The following FREM2 variants were observed in gnomAD, a reference collection of about 807,000 sequenced individuals.
FREM2 encodes the protein FRAS1-related extracellular matrix protein 2.
Under a neutral mutation model 219.9 loss-of-function variants are expected in FREM2, and 119 were observed. That is an observed-to-expected ratio of 0.54 (90% confidence interval 0.47 to 0.63). The LOEUF (loss-of-function observed/expected upper bound fraction) is 0.63. FREM2 is among the 30% of genes least tolerant of loss of function. The pLI, the probability that FREM2 is intolerant of heterozygous loss-of-function variation, is 0.00. For synonymous variants in FREM2, 1,562 were observed against 1,522.8 expected (o/e 1.03, Z -0.60); for missense variants, 4,030 against 3,993.6 (o/e 1.01, Z -0.25).
At chr13:38,874,233 A>C (rs967386381) in intron 17 of FREM2, among the ~76,000 whole-genome samples, 1 of 152,202 alleles carries the variant, frequency 6.6e-6, no homozygotes, top group Admixed American at 6.5e-5. Flanking sequence ...AACTTGGTCT[A>C]TTGTAAGTAA....
At chr13:38,834,660 G>A (rs1876640687) in intron 6 of FREM2, among the ~76,000 whole-genome samples, 1 of 152,130 alleles carries the variant, frequency 6.6e-6, no homozygotes, top group African/African-American at 2.4e-5. Context: ...GCATGAAATG[G>A]TGTTCATTGT....
At chr13:38,715,651 T>C (rs1331488377) in intron 2 of FREM2, among the ~76,000 whole-genome samples, 2 of 152,162 alleles carry the variant, frequency 1.3e-5, no homozygotes, top group Non-Finnish European at 2.9e-5. Flanking sequence ...AATAGTGTTA[T>C]ATAGACGTAT....
intron 6 of FREM2, among the ~76,000 whole-genome samples, chr13:38,845,626 A>T (rs1006240735): frequency 3.9e-5 from 6 of 152,242 alleles, no homozygotes; most frequent in African/African-American, 1.4e-4. Flanking sequence ...AAATGAGTGA[A>T]GTATATACTA....
In FREM2 at chr13:38,856,158, G is replaced by A. The variant is rs1268483221; in HGVS notation, c.6958G>A (p.Val2320Met). The change falls in exon 12 of 24, where the codon GTG becomes ATG. Residue 2320 changes from valine to methionine, a missense_variant. This residue lies in a region of FREM2 where 3,102 missense variants were observed against 2,950.7 expected (regional missense o/e 1.05). Transcript: ENST00000280481. The part of the protein sequence containing the change: ...IEFKEGETQH[V>M]VEIEVTFDGV... Reference sequence around the variant, plus strand: ...GTTTAAGGAAGGGGAAACCCAGCACGTGGTTGAAATCGAAGTTACCTTTGA... The same window carrying A: ...GTTTAAGGAAGGGGAAACCCAGCACATGGTTGAAATCGAAGTTACCTTTGA... 2.1e-5 allele frequency: 34 copies of A among 1,611,136 alleles called. No individual in the cohort carries two copies. Among genetic ancestry groups the A allele is most frequent in the Middle Eastern group, 1.6e-4 (1 of 6,076 alleles).
At chr13:38,799,079 T>G (rs1874908012) in intron 6 of FREM2, among the ~76,000 whole-genome samples, 1 of 152,080 alleles carries the variant, frequency 6.6e-6, no homozygotes, top group Admixed American at 6.5e-5. Flanking sequence ...GTTGTTTATT[T>G]GAAGTATTTC....
intron 15 of FREM2, among the ~76,000 whole-genome samples, chr13:38,862,069 T>C (rs1470248037): frequency 6.6e-6 from 1 of 152,252 alleles, no homozygotes; most frequent in Admixed American, 6.5e-5. Flanking sequence ...CCAGAATGTG[T>C]GCATCAATAA....
chr13:38,748,872 A>AT (rs1872587996), intron 2 of FREM2, among the ~76,000 whole-genome samples: 1 of 152,178 alleles, frequency 6.6e-6, no homozygotes, highest in Non-Finnish European at 1.5e-5. Context: ...AAAGGAAGGC[A>AT]TTTTTGTTCT....
intron 6 of FREM2, among the ~76,000 whole-genome samples, chr13:38,812,798 G>A (rs113527253): frequency 0.05 from 7,511 of 151,652 alleles, 581 homozygotes; most frequent in African/African-American, 0.17. Context: ...TGGGAGGATC[G>A]CTTGAGCCCG....
intron 17 of FREM2, among the ~76,000 whole-genome samples, chr13:38,873,201 ATTAT>A (rs1009583453): frequency 1.1e-4 from 17 of 152,114 alleles, no homozygotes; most frequent in East Asian, 1.9e-4. Context: ...TAGGTGATTA[ATTAT>A]TTATGTGTTA....
rs1226622891 is a variant in FREM2, at chr13:38,884,997, A to G, written c.*4210A>G. On this transcript the variant is annotated 3_prime_UTR_variant, in exon 24 of 24. Coordinates refer to ENST00000280481, the MANE Select transcript of FREM2 (RefSeq NM_207361.6). ...TTCCTAGAATTGATTGCACTATTGC[A>G]TGGTAATAACATTTAATTGTTAAGG... is the stretch of plus-strand genomic sequence containing the variant. 1.3e-5 allele frequency: 2 copies of G among 152,180 alleles called. No individual in the cohort carries two copies. Among genetic ancestry groups the G allele is most frequent in the Non-Finnish European group, 2.9e-5 (2 of 68,016 alleles). The allele number at this position is 152,180 out of a possible 1,614,324, so 9.4% of individuals were successfully genotyped here.
intron 6 of FREM2, among the ~76,000 whole-genome samples, chr13:38,845,135 A>AG: frequency 6.6e-6 from 1 of 152,232 alleles, no homozygotes; most frequent in Non-Finnish European, 1.5e-5. Flanking sequence ...AAGAATTTGA[A>AG]GGGGCTGTAT....
At chr13:38,732,134 T>C (rs1302004284) in intron 2 of FREM2, among the ~76,000 whole-genome samples, 4 of 152,226 alleles carry the variant, frequency 2.6e-5, no homozygotes, top group Non-Finnish European at 4.4e-5. Context: ...AGATGCATAA[T>C]GTCTAAGCTT....
At chr13:38,786,244 G>A (rs1440509145) in intron 6 of FREM2, among the ~76,000 whole-genome samples, 1 of 151,930 alleles carries the variant, frequency 6.6e-6, no homozygotes, top group Non-Finnish European at 1.5e-5. Context: ...TGCTACCTTT[G>A]TGTATCATTG....
intron 6 of FREM2, among the ~76,000 whole-genome samples, chr13:38,845,165 A>G (rs1181450266): frequency 6.6e-6 from 1 of 152,222 alleles, no homozygotes; most frequent in African/African-American, 2.4e-5. Flanking sequence ...CATGCCCACC[A>G]TGTGAAGAAA....
chr13:38,805,224 T>C (rs1202778533), intron 6 of FREM2, among the ~76,000 whole-genome samples: 1 of 151,718 alleles, frequency 6.6e-6, no homozygotes, highest in East Asian at 2.0e-4. Flanking sequence ...GATATAGCAG[T>C]GTACGTGAAA....
In FREM2 at chr13:38,880,562, T is replaced by A; in HGVS notation, c.9285T>A (p.Asp3095Glu). The A allele has an allele frequency of 6.2e-7, 1 of 1,614,162 alleles. No individual in the cohort carries two copies. Among genetic ancestry groups the A allele is most frequent in the South Asian group, 1.1e-5 (1 of 91,084 alleles). ...RQIPHGRAPP[D>E]GILPWELNSP... ...TCCCCCATGGGAGAGCACCTCCAGATGGCATCCTCCCCTGGGAGCTCAACA... is the reference window on the plus strand; with the variant it reads ...TCCCCCATGGGAGAGCACCTCCAGAAGGCATCCTCCCCTGGGAGCTCAACA... Residue 3095 changes from aspartate to glutamate, a missense_variant, in exon 24 of 24, where the codon GAT (aspartate) becomes GAA (glutamate). By Grantham distance (45) the Asp-to-Glu change is conservative (BLOSUM62 2). Transcript: ENST00000280481.
chr13:38,786,740 T>C (rs922331087), intron 6 of FREM2, among the ~76,000 whole-genome samples: 2 of 152,050 alleles, frequency 1.3e-5, no homozygotes, highest in African/African-American at 4.8e-5. Context: ...GAAAAAAACA[T>C]AAAAGTACAG....
At chr13:38,716,970 T>C (rs2138102461) in intron 2 of FREM2, among the ~76,000 whole-genome samples, 1 of 152,326 alleles carries the variant, frequency 6.6e-6, no homozygotes, top group South Asian at 2.1e-4. Flanking sequence ...TAAATGCTTG[T>C]AAATACCTTC....
intron 4 of FREM2, among the ~76,000 whole-genome samples, chr13:38,778,126 C>T (rs1490591714): frequency 6.6e-6 from 1 of 152,134 alleles, no homozygotes; most frequent in Non-Finnish European, 1.5e-5. Context: ...TTCTGAATAA[C>T]TTATTTGAAA....
Sources: allele counts gnomAD v4.1 joint callset (sites outside exome capture counted in the v4.1 genomes callset), GRCh38; gene constraint gnomAD v4.1.1; regional missense constraint gnomAD v4.1.1; transcripts MANE v1.5; gene names NCBI Gene and HGNC (gene_info 2026-07-23, HGNC 2026-07-21).